RXRA: variants seen among roughly 807,000 people sequenced by gnomAD.
RXRA encodes the protein retinoic acid receptor RXR-alpha.
RXRA carries 5 observed loss-of-function variants against 44.5 expected under a neutral mutation model. The ratio of observed to expected loss-of-function variants is 0.11; its 90% CI spans 0.06 to 0.24. The LOEUF (loss-of-function observed/expected upper bound fraction) is 0.24. Ranked by LOEUF, RXRA falls within the 10% of genes least tolerant of loss-of-function variation. The pLI, the probability that RXRA is intolerant of heterozygous loss-of-function variation, is 1.00. For missense variants in RXRA, 412 were observed against 646.5 expected (o/e 0.64, Z 3.93); for synonymous variants, 291 against 271.4 (o/e 1.07, Z -0.71).
chr9:134,381,393 C>T (rs149923759), intron 1 of RXRA, among the ~76,000 whole-genome samples: 1 of 152,150 alleles, frequency 6.6e-6, no homozygotes, highest in African/African-American at 2.4e-5. Context: ...CTCTCAGGGC[C>T]GTCTCTCAGG....
At chr9:134,435,007 C>T (rs1431760429) in intron 9 of RXRA, among the ~76,000 whole-genome samples, 4 of 152,116 alleles carry the variant, frequency 2.6e-5, no homozygotes, top group Non-Finnish European at 5.9e-5. Context: ...TCCCGGAGGA[C>T]GAGGACAGGA....
chr9:134,389,865 C>T (rs967481006), intron 1 of RXRA, among the ~76,000 whole-genome samples: 8 of 152,180 alleles, frequency 5.3e-5, no homozygotes, highest in Non-Finnish European at 8.8e-5. Context: ...AGTTACCGTG[C>T]GTGCTAGCTG....
At chr9:134,414,021 C>T (rs981871028) in intron 4 of RXRA, among the ~76,000 whole-genome samples, 6 of 152,318 alleles carry the variant, frequency 3.9e-5, no homozygotes, top group East Asian at 1.9e-4. Context: ...GCCCGGCCTC[C>T]GGCGCCAGCG....
At chr9:134,339,787 CTGTG>C (rs782797902) in intron 1 of RXRA, among the ~76,000 whole-genome samples, 17 of 139,806 alleles carry the variant, frequency 1.2e-4, no homozygotes, top group Non-Finnish European at 1.2e-4. Flanking sequence ...TTGTGTGAGC[CTGTG>C]TGTATGAGTC....
At chr9:134,394,717 G>A (rs1057463265) in intron 1 of RXRA, among the ~76,000 whole-genome samples, 2 of 152,138 alleles carry the variant, frequency 1.3e-5, no homozygotes, top group Non-Finnish European at 2.9e-5. Flanking sequence ...TTGACATCAC[G>A]CCCCCTCACT....
intron 1 of RXRA, among the ~76,000 whole-genome samples, chr9:134,362,804 A>C (rs1463437789): frequency 6.6e-6 from 1 of 152,186 alleles, no homozygotes; most frequent in Non-Finnish European, 1.5e-5. Context: ...TGGAGTGAAC[A>C]CTTGGCTGGT....
intron 4 of RXRA, among the ~76,000 whole-genome samples, chr9:134,414,739 C>T (rs190981188): frequency 1.3e-5 from 2 of 152,364 alleles, no homozygotes; most frequent in African/African-American, 2.4e-5. Flanking sequence ...TGCTGCCCAT[C>T]CTTAGGGTCT....
chr9:134,422,980 C>T, intron 6 of RXRA: 2 of 985,504 alleles, frequency 2.0e-6, no homozygotes, highest in Non-Finnish European at 2.4e-6. Flanking sequence ...GAAATGCCTG[C>T]TCCACGCGCA....
chr9:134,389,121 C>A (rs892158019), intron 1 of RXRA, among the ~76,000 whole-genome samples: 1 of 152,218 alleles, frequency 6.6e-6, no homozygotes. Flanking sequence ...CCTGGCCGGT[C>A]CTGTCGTGGA....
At chr9:134,397,508 A>G (rs1039966051) in intron 1 of RXRA, among the ~76,000 whole-genome samples, 2 of 151,852 alleles carry the variant, frequency 1.3e-5, no homozygotes, top group Non-Finnish European at 2.9e-5. Flanking sequence ...TGATCACTCC[A>G]CCACTTCTTC....
chr9:134,420,581 C>T (rs940507843), intron 5 of RXRA, among the ~76,000 whole-genome samples: 1 of 152,244 alleles, frequency 6.6e-6, no homozygotes, highest in Non-Finnish European at 1.5e-5. Flanking sequence ...CCGGGCGCTG[C>T]GTTTAGGCTG....
At chr9:134,360,413 G>C (rs1486824478) in intron 1 of RXRA, among the ~76,000 whole-genome samples, 1 of 152,196 alleles carries the variant, frequency 6.6e-6, no homozygotes, top group African/African-American at 2.4e-5. Context: ...TTCTGGGTTC[G>C]AGCTCTGGCT....
intron 1 of RXRA, among the ~76,000 whole-genome samples, chr9:134,380,407 G>A (rs971598302): frequency 6.6e-6 from 1 of 152,066 alleles, no homozygotes; most frequent in African/African-American, 2.4e-5. Flanking sequence ...GCCTGGGGTC[G>A]GATAGGGGCT....
At chr9:134,387,705 G>C (rs989651834) in intron 1 of RXRA, among the ~76,000 whole-genome samples, 1 of 152,254 alleles carries the variant, frequency 6.6e-6, no homozygotes, top group African/African-American at 2.4e-5. Context: ...TGTGCTGTCA[G>C]TAAGCAGCAG....
chr9:134,411,708 C>T (rs1831151314), intron 4 of RXRA, among the ~76,000 whole-genome samples: 1 of 152,240 alleles, frequency 6.6e-6, no homozygotes, highest in South Asian at 2.1e-4. Flanking sequence ...TGCTGCCGAG[C>T]GCTCTCGCCC....
chr9:134,408,897 G>C (rs768714974), intron 3 of RXRA, 43 bp from the exon 4 acceptor site: 1 of 1,441,060 alleles, frequency 6.9e-7, no homozygotes, highest in Admixed American at 2.7e-5. Flanking sequence ...CTCCCTGCCG[G>C]GGCGGTGGGT....
Position 134,417,457 on chromosome 9 carries a change from C to T in RXRA, c.780+130C>T. Reference sequence around the variant, plus strand: ...GCTGCCCTGGGCCCTGTGGCTGCCTCAGCTCGGCCTCTTACCTGAGGTGAC... The same window carrying T: ...GCTGCCCTGGGCCCTGTGGCTGCCTTAGCTCGGCCTCTTACCTGAGGTGAC... On this transcript the variant is annotated intron_variant, in intron 5 of 9. Coordinates refer to ENST00000481739, the MANE Select transcript of RXRA (RefSeq NM_002957.6). The surrounding 1 kb of genome is among the most constrained non-coding windows in gnomAD (Gnocchi z 6.1). 2.7e-6 allele frequency: 3 copies of T among 1,097,654 alleles called. No individual in the cohort carries two copies. The highest frequency in any genetic ancestry group is 3.1e-5 in the South Asian group (2 of 64,630). The allele number at this position is 1,097,654 out of a possible 1,614,324, so 68.0% of individuals were successfully genotyped here.
rs1830421306 is a variant in RXRA, at chr9:134,366,905, A to G, written c.29-34727A>G. Among the ~76,000 whole-genome samples the G allele has an allele frequency of 6.6e-6, 1 of 152,006 alleles. No homozygotes were observed. On this transcript the variant is annotated intron_variant, in intron 1 of 9. Transcript: ENST00000481739. This position sits in a 1 kb window ranked among gnomAD's most constrained non-coding sequence, Gnocchi z 5.9. ...AGGCGCCAGGCAGGCTGAGTCGGAG[A>G]TGTCCCTCAGGCTCCTGCTGGGAGA...
At chr9:134,360,183 C>T (rs1212833683) in intron 1 of RXRA, among the ~76,000 whole-genome samples, 1 of 152,182 alleles carries the variant, frequency 6.6e-6, no homozygotes, top group African/African-American at 2.4e-5. Context: ...CTGGGCAGGG[C>T]CTGGAAGCTG....
Sources: gnomAD v4.1 joint callset for allele counts (sites outside exome capture counted in the v4.1 genomes callset) on GRCh38, gnomAD v4.1.1 for gene constraint, Gnocchi (gnomAD v3.1) non-coding constraint, MANE v1.5 for transcripts, NCBI Gene and HGNC (gene_info 2026-07-23, HGNC 2026-07-21) for gene names.